Variants in AATK observed in about 807,000 individuals in gnomAD.
The protein encoded by AATK is lemur tail kinase 1, also known as serine/threonine-protein kinase LMTK1.
A neutral mutation model predicts 114.3 loss-of-function variants in AATK; 91 were observed. That is an observed-to-expected ratio of 0.80 (90% CI 0.67 to 0.95). The LOEUF is 0.95. Among genes scored for constraint, AATK ranks in the 40% least tolerant of loss-of-function variants. The probability of loss-of-function intolerance (pLI) is 0.00; values close to 1 mark genes in which losing one functional copy is unlikely to be tolerated. For synonymous variants in AATK, 1,075 were observed against 916.5 expected (o/e 1.17, Z -3.12); for missense variants, 2,176 against 1,965.2 (o/e 1.11, Z -2.03).
At chr17:81,138,501 G>C (rs952634884) in intron 1 of AATK, among the ~76,000 whole-genome samples, 1 of 131,740 alleles carries the variant, frequency 7.6e-6, no homozygotes, top group Non-Finnish European at 1.6e-5. Context: ...ACACACCCTC[G>C]TGCAGACACA....
rs2061488862 is a variant in AATK, at chr17:81,166,180, TCCGC to T, written c.-192_-189del. ...GGGGCGGCGGCGACAGACGAGGCGC[TCCGC>T]CCGGCCCTGGCGCCGCGGGGCTCCG... On this transcript the variant is annotated 5_prime_UTR_variant, in exon 1 of 14. Coordinates refer to ENST00000326724, the MANE Select transcript of AATK (RefSeq NM_001080395.3). 2 of 174,046 alleles carry T rather than the reference TCCGC, an allele frequency of 1.1e-5. No homozygotes were observed. Among genetic ancestry groups the T allele is most frequent in the African/African-American group, 5.2e-5 (2 of 38,782 alleles). 10.8% of individuals were successfully genotyped at this position (174,046 alleles called of 1,614,324 possible). A position where few individuals can be genotyped will look rare whatever the true frequency, so the allele number is the denominator to read the frequency against.
At chr17:81,125,993 T>TC (rs746693161) in intron 7 of AATK, 2 of 475,040 alleles carry the variant, frequency 4.2e-6, no homozygotes, top group East Asian at 1.4e-4. Context: ...CACGTGTCCT[T>TC]CGCCACTTCT....
chr17:81,159,723 C>T (rs1048895493), intron 1 of AATK, among the ~76,000 whole-genome samples: 1 of 151,970 alleles, frequency 6.6e-6, no homozygotes, highest in Admixed American at 6.5e-5. Flanking sequence ...ACACCGAGGA[C>T]GGCATCCCCA....
In AATK at chr17:81,118,451, C is replaced by T. The variant is rs752120826; in HGVS notation, c.4085-9G>A. 2.5e-6 allele frequency: 4 copies of T among 1,605,350 alleles called. No homozygotes were observed. In the Admixed American group the frequency reaches 5.1e-5, roughly 20 times the overall value. On this transcript the variant is annotated splice_polypyrimidine_tract_variant and intron_variant, in intron 13 of 13. Coordinates refer to ENST00000326724, the MANE Select transcript of AATK (RefSeq NM_001080395.3). ...GGCACCAGCTTCAGGTCCTGGCAAG[C>T]AGGACAACAAAGTGAACACAGGGTT...
chr17:81,147,072 C>T (rs897201910), intron 1 of AATK, among the ~76,000 whole-genome samples: 3 of 150,626 alleles, frequency 2.0e-5, no homozygotes, highest in Non-Finnish European at 3.0e-5. Context: ...TTTATAAGAG[C>T]AAAAAAGAGG....
At chr17:81,142,918 G>A (rs1277897809) in intron 1 of AATK, among the ~76,000 whole-genome samples, 2 of 152,206 alleles carry the variant, frequency 1.3e-5, no homozygotes, top group Non-Finnish European at 2.9e-5. Flanking sequence ...TTTTACACAC[G>A]CAGTGGAAAG....
At chr17:81,156,929 C>G (rs79015366) in intron 1 of AATK, among the ~76,000 whole-genome samples, 11 of 151,828 alleles carry the variant, frequency 7.2e-5, no homozygotes, top group East Asian at 3.9e-4. Flanking sequence ...GGGCCCTGGG[C>G]GGGGTACGGC....
intron 1 of AATK, among the ~76,000 whole-genome samples, chr17:81,137,558 G>A (rs980341791): frequency 2.0e-5 from 3 of 152,140 alleles, no homozygotes; most frequent in East Asian, 3.8e-4. Context: ...CCTGGGCCCC[G>A]CTGGCTGTCA....
rs1436112621 is a variant in AATK at position 81,134,481 on chromosome 17, G to T, written c.76C>A (p.Leu26Met). The change falls in exon 2 of 14, where the codon CTG (leucine) becomes ATG (methionine). Residue 26 changes from leucine to methionine, a missense_variant. By Grantham distance (15) the Leu-to-Met change is conservative. Coordinates refer to ENST00000326724, the MANE Select transcript of AATK (RefSeq NM_001080395.3). ...FDPDGAPLSE[L>M]SWPSSLAVVA... ...ACGGCGAGGGAGGATGGCCAGGACA[G>T]CTCGCTGAGCGGGGCGCCGTCTGCG... is the stretch of plus-strand genomic sequence containing the variant. 1 of 1,612,710 alleles carries T rather than the reference G, an allele frequency of 6.2e-7. No individual in the cohort carries two copies. Among genetic ancestry groups the T allele is most frequent in the East Asian group, 2.2e-5 (1 of 44,862 alleles).
intron 2 of AATK, chr17:81,133,136 C>T (rs1009023747): frequency 9.4e-5 from 42 of 447,036 alleles, no homozygotes; most frequent in South Asian, 2.9e-4. Context: ...GAGTGCAGAC[C>T]CCACAGCCTG....
At position 81,132,297 on chromosome 17, in the gene AATK, G is replaced by A. The variant is rs188287669; in HGVS notation, c.190-1092C>T. 2.6e-5 allele frequency among the ~76,000 whole-genome samples: 4 copies of A among 152,334 alleles called. No homozygotes were observed. In the East Asian group the frequency reaches 7.7e-4, roughly 29 times the overall value. ...GATGCTGGCCAGCACCCGGGCTGGT[G>A]AGTCCGAGGACAGGCAGGTGCAGTG... On this transcript the variant is annotated intron_variant, in intron 2 of 13. Transcript: ENST00000326724.
chr17:81,119,272 GGAGCC>G, intron 13 of AATK, 103 bp downstream of exon 13: 1 of 1,113,590 alleles, frequency 9.0e-7, no homozygotes, highest in African/African-American at 2.1e-5. Flanking sequence ...GGAGCGGAGC[GGAGCC>G]GGGGCTGGCC....
Position 81,151,934 on chromosome 17 carries a change from G to A in AATK, c.55+14004C>T, listed in dbSNP as rs528707673. On this transcript the variant is annotated intron_variant, in intron 1 of 13. Transcript: ENST00000326724. Reference sequence around the variant, plus strand: ...TCTCCCCACCAAATTATTCAATCACGTGAGACTTCCAACCCCTCACAGGCA... The same window carrying A: ...TCTCCCCACCAAATTATTCAATCACATGAGACTTCCAACCCCTCACAGGCA... 8.4e-4 allele frequency among the ~76,000 whole-genome samples: 128 copies of A among 152,264 alleles called. 3 individuals carry two copies. The South Asian group carries it at 0.016, about 18-fold the overall frequency.
chr17:81,121,045 G>C lies in AATK; in HGVS notation c.2891C>G (p.Ala964Gly). 1 of 1,609,316 alleles carries C rather than the reference G, an allele frequency of 6.2e-7. No individual in the cohort carries two copies. Among genetic ancestry groups the C allele is most frequent in the Non-Finnish European group, 8.5e-7 (1 of 1,178,514 alleles). ...AQEGCEPQAFAELASEGEGPG... is the reference protein window; with the variant it reads ...AQEGCEPQAFGELASEGEGPG... Reference sequence around the variant, plus strand: ...GCCCTCACCCTCTGAGGCCAGCTCCGCAAAGGCCTGGGGCTCACACCCTTC... The same window carrying C: ...GCCCTCACCCTCTGAGGCCAGCTCCCCAAAGGCCTGGGGCTCACACCCTTC... Residue 964 changes from alanine to glycine, a missense_variant, in exon 11 of 14, where the codon GCG becomes GGG. By Grantham distance (60) the Ala-to-Gly change is moderately conservative. Around this residue, in one of 4 missense-constraint regions of AATK, gnomAD observed 1,701 missense variants for 1,394.7 expected, o/e 1.22. Transcript: ENST00000326724.
At chr17:81,128,943 C>T in intron 3 of AATK, 1 of 1,089,964 alleles carries the variant, frequency 9.2e-7, no homozygotes, top group Non-Finnish European at 1.1e-6. Flanking sequence ...CCCACCCCCA[C>T]CCTGCCGCAG....
chr17:81,121,821 A>G lies in AATK; in HGVS notation c.2115T>C (p.Ala705=), dbSNP rs750838086. The change falls in exon 11 of 14, where the codon GCT becomes GCC. Residue 705 remains alanine (A), a synonymous_variant. Coordinates refer to ENST00000326724, the MANE Select transcript of AATK (RefSeq NM_001080395.3). ...TCTGCTTTGGACTGGGGCAGCCCTCAGCGTGGCCGCCCGCAGAGACGGGGT... is the reference window on the plus strand; with the variant it reads ...TCTGCTTTGGACTGGGGCAGCCCTCGGCGTGGCCGCCCGCAGAGACGGGGT... ...SWDPVSAGGH[A]EGCPSPKQTP... 8.2e-6 allele frequency: 13 copies of G among 1,588,972 alleles called. 1 individual carries two copies. In the East Asian group the frequency reaches 2.0e-4, roughly 25 times the overall value.
rs757703121 is a variant in AATK, at chr17:81,120,936, G to A, written c.3000C>T (p.Asp1000=). 2.5e-6 allele frequency: 4 copies of A among 1,606,042 alleles called. No homozygotes were observed. Among genetic ancestry groups the A allele is most frequent in the South Asian group, 1.1e-5 (1 of 89,674 alleles). ...NPYRDSAYFS[D]LEAEAEATSG... is the part of the protein sequence containing the mutation. ...AGGTGGCCTCGGCCTCAGCCTCGAG[G>A]TCTGAGAAGTAGGCAGAGTCTCGGT... The change falls in exon 11 of 14, where the codon GAC becomes GAT. Residue 1000 remains aspartate, a synonymous_variant. Coordinates refer to ENST00000326724, the MANE Select transcript of AATK (RefSeq NM_001080395.3).
Position 81,122,329 on chromosome 17 carries a change from T to G in AATK, c.1607A>C (p.Glu536Ala). The change falls in exon 11 of 14, where the codon GAG becomes GCG. Residue 536 changes from glutamate to alanine, a missense_variant. Physicochemically the swap from Glu to Ala is moderately radical, Grantham distance 107 (BLOSUM62 -1). Coordinates refer to ENST00000326724, the MANE Select transcript of AATK (RefSeq NM_001080395.3). ...GTCGTGGCCGGCGGCGGGTGCGGCC[T>G]CCTCTAGGCGGATGAAGTACTCGCT... ...LGSEYFIRLE[E>A]AAPAAGHDPD... The G allele has an allele frequency of 6.6e-7, 1 of 1,509,952 alleles. No homozygotes were observed. The highest frequency in any genetic ancestry group is 1.2e-5 in the South Asian group (1 of 82,200). The allele number at this position is 1,509,952 out of a possible 1,614,324, so 93.5% of individuals were successfully genotyped here. A position where few individuals can be genotyped will look rare whatever the true frequency, so the allele number is the denominator to read the frequency against.
chr17:81,162,134 A>T (rs73370016), intron 1 of AATK, among the ~76,000 whole-genome samples: 1,814 of 152,030 alleles, frequency 0.012, 33 homozygotes, highest in African/African-American at 0.042. Flanking sequence ...CCATGCTGGT[A>T]GGTGGGAGCC....
Sources: allele counts gnomAD v4.1 joint callset (sites outside exome capture counted in the v4.1 genomes callset), GRCh38; gene constraint gnomAD v4.1.1; regional missense constraint gnomAD v4.1.1; transcripts MANE v1.5; gene names NCBI Gene and HGNC (gene_info 2026-07-23, HGNC 2026-07-21).